Variants in ZNF385D observed in about 807,000 individuals in gnomAD.
ZNF385D encodes zinc finger protein 385D.
ZNF385D carries 15 observed loss-of-function variants against 35.8 expected under a neutral mutation model. The observed-to-expected ratio is 0.42, with a 90% CI of 0.28 to 0.64. ZNF385D has a LOEUF of 0.64. Among genes scored for constraint, ZNF385D ranks in the 30% least tolerant of loss-of-function variants. The pLI, the probability that ZNF385D is intolerant of heterozygous loss-of-function variation, is 0.23. For synonymous variants in ZNF385D, 212 were observed against 186.8 expected (o/e 1.13, Z -1.10); for missense variants, 474 against 494.6 (o/e 0.96, Z 0.39).
chr3:22,066,532 CTGTGTGTGTGTGTGTG>C (rs10536628), intron 3 of ZNF385D, among the ~76,000 whole-genome samples: 1,129 of 91,304 alleles, frequency 0.012, 24 homozygotes, highest in African/African-American at 0.039. Flanking sequence ...AGATGGTTCC[CTGTGTGTGTGTGTGTG>C]TGTGTGTGTG....
intron 2 of ZNF385D, among the ~76,000 whole-genome samples, chr3:22,329,001 C>T (rs1037790523): frequency 6.5e-5 from 9 of 137,470 alleles, no homozygotes; most frequent in Non-Finnish European, 1.2e-4. Flanking sequence ...GGCGTGAACC[C>T]GGGAGGCGGA....
At chr3:22,004,550 T>A (rs1405232462) in intron 3 of ZNF385D, among the ~76,000 whole-genome samples, 1 of 152,186 alleles carries the variant, frequency 6.6e-6, no homozygotes, top group Non-Finnish European at 1.5e-5. Flanking sequence ...AAGGCTAATA[T>A]TCAGAATACA....
At chr3:21,707,479 TC>T (rs1259450093) in intron 1 of ZNF385D, among the ~76,000 whole-genome samples, 2 of 152,170 alleles carry the variant, frequency 1.3e-5, no homozygotes, top group Admixed American at 1.3e-4. Context: ...AGAACCCCCA[TC>T]CTGATATCTC....
intron 3 of ZNF385D, among the ~76,000 whole-genome samples, chr3:22,015,498 T>C (rs941671836): frequency 1.9e-4 from 29 of 152,084 alleles, no homozygotes; most frequent in African/African-American, 7.0e-4. Flanking sequence ...ATTTCCAACA[T>C]TCTGCTTCAT....
chr3:22,082,360 T>A (rs1700796702), intron 3 of ZNF385D, among the ~76,000 whole-genome samples: 1 of 152,148 alleles, frequency 6.6e-6, no homozygotes, highest in Admixed American at 6.5e-5. Flanking sequence ...ATACTGCACT[T>A]TTCCAATGGT....
intron 2 of ZNF385D, among the ~76,000 whole-genome samples, chr3:22,263,950 TAA>T (rs1700762159): frequency 1.3e-5 from 2 of 151,986 alleles, no homozygotes; most frequent in Admixed American, 6.6e-5. Context: ...TTAAAAATTA[TAA>T]GAGAAGGAAT....
chr3:21,432,969 T>C (rs953936687), intron 5 of ZNF385D, among the ~76,000 whole-genome samples: 4 of 109,394 alleles, frequency 3.7e-5, no homozygotes, highest in Admixed American at 2.1e-4. Context: ...GTGGTCATGC[T>C]AATAATCATG....
At chr3:21,615,119 G>A (rs2064807886) in intron 2 of ZNF385D, among the ~76,000 whole-genome samples, 1 of 152,208 alleles carries the variant, frequency 6.6e-6, no homozygotes, top group Non-Finnish European at 1.5e-5. Flanking sequence ...TGAAGGTGGG[G>A]CCTAGTGGGA....
intron 3 of ZNF385D, among the ~76,000 whole-genome samples, chr3:21,896,375 G>A (rs979026313): frequency 1.3e-5 from 2 of 150,812 alleles, no homozygotes; most frequent in African/African-American, 4.9e-5. Context: ...CTTCCTAAAG[G>A]TAAATGAAAA....
At chr3:21,856,984 T>A (rs1470410950) in intron 3 of ZNF385D, among the ~76,000 whole-genome samples, 2 of 152,122 alleles carry the variant, frequency 1.3e-5, no homozygotes, top group Admixed American at 1.3e-4. Flanking sequence ...CTTCTCATGT[T>A]TAACCATGTT....
At chr3:22,060,488 T>C (rs78972371) in intron 3 of ZNF385D, among the ~76,000 whole-genome samples, 2 of 152,314 alleles carry the variant, frequency 1.3e-5, no homozygotes, top group African/African-American at 2.4e-5. Flanking sequence ...TTTCCAAAGA[T>C]GAAATTAAAC....
chr3:22,356,215 C>T (rs1280461340), intron 2 of ZNF385D, among the ~76,000 whole-genome samples: 1 of 151,878 alleles, frequency 6.6e-6, no homozygotes, highest in Non-Finnish European at 1.5e-5. Context: ...ATGTTTATAC[C>T]TCATAGGTAC....
At chr3:22,279,852 G>A (rs184004483) in intron 2 of ZNF385D, among the ~76,000 whole-genome samples, 71 of 151,988 alleles carry the variant, frequency 4.7e-4, no homozygotes, top group African/African-American at 1.7e-3. Context: ...GCTCTTTAAG[G>A]AATCTCCACA....
At chr3:21,504,186 T>C (rs1183495101) in intron 4 of ZNF385D, among the ~76,000 whole-genome samples, 1 of 152,164 alleles carries the variant, frequency 6.6e-6, no homozygotes, top group African/African-American at 2.4e-5. Flanking sequence ...AATTAACTCC[T>C]GATTGATAGT....
At chr3:21,584,708 A>G (rs2063761485) in intron 2 of ZNF385D, among the ~76,000 whole-genome samples, 1 of 151,894 alleles carries the variant, frequency 6.6e-6, no homozygotes, top group African/African-American at 2.4e-5. Context: ...TTTTATCTTG[A>G]TGTAAAACAA....
At chr3:21,959,886 C>G (rs993043562) in intron 3 of ZNF385D, among the ~76,000 whole-genome samples, 4 of 151,840 alleles carry the variant, frequency 2.6e-5, no homozygotes, top group Non-Finnish European at 4.4e-5. Context: ...GGCAACAAAA[C>G]TCAACTCAAA....
chr3:21,976,550 A>G (rs1169144498), intron 3 of ZNF385D, among the ~76,000 whole-genome samples: 1 of 152,244 alleles, frequency 6.6e-6, no homozygotes, highest in Admixed American at 6.5e-5. Flanking sequence ...AGAAGAGTAC[A>G]GGAGACATAT....
intron 3 of ZNF385D, among the ~76,000 whole-genome samples, chr3:22,147,740 C>T (rs906677347): frequency 1.3e-5 from 2 of 152,144 alleles, no homozygotes; most frequent in Non-Finnish European, 2.9e-5. Flanking sequence ...CAAATATTTT[C>T]TCCACAATGA....
chr3:22,138,392 C>T (rs28871393), intron 3 of ZNF385D, among the ~76,000 whole-genome samples: 3,259 of 152,218 alleles, frequency 0.021, 118 homozygotes, highest in African/African-American at 0.075. Flanking sequence ...AAGCTGGAGG[C>T]ATCACACTAC....
Sources: gnomAD v4.1 joint callset for allele counts (sites outside exome capture counted in the v4.1 genomes callset) on GRCh38, gnomAD v4.1.1 for gene constraint, MANE v1.5 for transcripts, NCBI Gene and HGNC (gene_info 2026-07-23, HGNC 2026-07-21) for gene names.